NOTCH3: variants seen among roughly 807,000 people sequenced by gnomAD.
NOTCH3 encodes the protein notch receptor 3, also known as neurogenic locus notch homolog protein 3.
Under a neutral mutation model 213.3 loss-of-function variants are expected in NOTCH3, and 86 were observed. That is an observed-to-expected ratio of 0.40 (90% CI 0.34 to 0.48). NOTCH3 has a LOEUF of 0.48. NOTCH3 is among the 20% of genes least tolerant of loss of function. The pLI is 0.57. For missense variants in NOTCH3, 2,783 were observed against 3,272.6 expected (o/e 0.85, Z 3.65); for synonymous variants, 1,354 against 1,355.9 (o/e 1.00, Z 0.03).
intron 17 of NOTCH3, 55 bp from the exon 18 acceptor site, chr19:15,181,217 C>T (rs764864369): frequency 8.9e-5 from 133 of 1,498,258 alleles, no homozygotes; most frequent in Non-Finnish European, 1.2e-4. Context: ...ACAGGCCCTG[C>T]CCTCCTTCCT....
In NOTCH3 at chr19:15,177,929, C is replaced by T; in HGVS notation, c.3999G>A (p.Gly1333=). Residue 1333 remains glycine (G), a synonymous_variant, in exon 24 of 33, where the codon GGG becomes GGA. Coordinates refer to ENST00000263388, the MANE Select transcript of NOTCH3 (RefSeq NM_000435.3). ...CGGCCGCGCAGCTGGCGTTGCTGGC[C>T]CCCGGCGGCGACCCCGGGAAGCTGC... ...SCRSFPGSPP[G]ASNASCAAAP... The T allele has an allele frequency of 1.5e-6, 2 of 1,290,698 alleles. No homozygotes were observed. The highest frequency in any genetic ancestry group is 2.0e-6 in the Non-Finnish European group (2 of 1,022,432). The allele number at this position is 1,290,698 out of a possible 1,614,324, so 80.0% of individuals were successfully genotyped here. A position where few individuals can be genotyped will look rare whatever the true frequency, so the allele number is the denominator to read the frequency against.
intron 28 of NOTCH3, among the ~76,000 whole-genome samples, chr19:15,168,790 C>T (rs561876962): frequency 1.3e-5 from 2 of 152,184 alleles, no homozygotes; most frequent in South Asian, 2.1e-4. Flanking sequence ...GCCAAGATCA[C>T]GCCACTGCAC....
Position 15,192,133 on chromosome 19 carries a change from C to A in NOTCH3, c.506G>T (p.Arg169Leu). The A allele has an allele frequency of 1.2e-6, 2 of 1,612,938 alleles. No homozygotes were observed. Among genetic ancestry groups the A allele is most frequent in the Non-Finnish European group, 1.7e-6 (2 of 1,179,982 alleles). The change falls in exon 4 of 33, where the codon CGC becomes CTC. Residue 169 changes from arginine to leucine, a missense_variant. Transcript: ENST00000263388. ...TGTGTTGAGGCAGGTGCCACCATGG[C>A]GGCAGGGCTCACCCACCCGGCACTC... ...VDECRVGEPC[R>L]HGGTCLNTPG...
At chr19:15,166,840 G>A (rs1340918256) in intron 29 of NOTCH3, among the ~76,000 whole-genome samples, 2 of 152,166 alleles carry the variant, frequency 1.3e-5, no homozygotes, top group Non-Finnish European at 2.9e-5. Flanking sequence ...TCAAAGACAG[G>A]TATGTGAATC....
At position 15,185,502 on chromosome 19, in the gene NOTCH3, T is replaced by C. The variant is rs1328784046; in HGVS notation, c.2129A>G (p.Tyr710Cys). The C allele has an allele frequency of 6.2e-7, 1 of 1,611,464 alleles. No homozygotes were observed. Among genetic ancestry groups the C allele is most frequent in the East Asian group, 2.2e-5 (1 of 44,634 alleles). ...GGGCCCTCACCCGCCAGGTGCATCA[T>C]AGCAGATGCCGTGACTGCAGGGCTC... The part of the protein sequence containing the change: ...AHEPCSHGIC[Y>C]DAPGGFRCVC... Residue 710 changes from tyrosine to cysteine, a missense_variant, in exon 13 of 33, where the codon TAT becomes TGT. Around this residue, in one of 6 missense-constraint regions of NOTCH3, gnomAD observed 861 missense variants for 909.1 expected, o/e 0.95. Transcript: ENST00000263388. The surrounding 1 kb of genome is among the most constrained non-coding windows in gnomAD (Gnocchi z 4.2).
rs1488613655 is a variant in NOTCH3, at chr19:15,187,899, C to G, written c.1588G>C (p.Glu530Gln). 3.2e-6 allele frequency: 5 copies of G among 1,549,270 alleles called. No homozygotes were observed. Among genetic ancestry groups the G allele is most frequent in the Admixed American group, 3.9e-5 (2 of 50,970 alleles). Residue 530 changes from glutamate (E) to glutamine (Q), a missense_variant, in exon 10 of 33, where the codon GAG becomes CAG. Physicochemically the swap from Glu to Gln is conservative, Grantham distance 29 (BLOSUM62 2). Coordinates refer to ENST00000263388, the MANE Select transcript of NOTCH3 (RefSeq NM_000435.3). ...AKCVDQPDGY[E>Q]CRCAEGFEGT... ...GCCTCACCCTCGGCACAGCGGCACT[C>G]GTAGCCATCGGGCTGGTCCACGCAT...
chr19:15,198,674 C>A (rs896860408), intron 1 of NOTCH3, among the ~76,000 whole-genome samples: 1 of 152,166 alleles, frequency 6.6e-6, no homozygotes, highest in African/African-American at 2.4e-5. Context: ...TCGCTTGAAC[C>A]CAGGAGCCAG....
rs541777668 is a variant in NOTCH3 at position 15,161,432 on chromosome 19, G to A, written c.6196C>T (p.Pro2066Ser). The A allele has an allele frequency of 4.6e-6, 7 of 1,538,334 alleles. No individual in the cohort carries two copies. The highest frequency in any genetic ancestry group is 5.3e-6 in the Non-Finnish European group (6 of 1,140,038). The change falls in exon 33 of 33, where the codon CCC becomes TCC. Residue 2066 changes from proline to serine, a missense_variant. Physicochemically the swap from Pro to Ser is moderately conservative, Grantham distance 74. Transcript: ENST00000263388. ...GGCCCCAGCCCCGCCTTCCCGGGGG[G>A]CCTCCTGCTCTTCTTGGACCCCGAC... ...AQSGSKKSRRPPGKAGLGPQG... is the reference protein window; with the variant it reads ...AQSGSKKSRRSPGKAGLGPQG...
Position 15,161,666 on chromosome 19 carries a change from C to T in NOTCH3, c.5962G>A (p.Ala1988Thr), listed in dbSNP as rs904983062. ...GCAAAGTGGTCCAACAGCAGCTTGG[C>T]AGCCTCATAGCTGCCCTCGCGGGCG... is the stretch of plus-strand genomic sequence containing the variant. ...LAAREGSYEA[A>T]KLLLDHFANR... Residue 1988 changes from alanine (A) to threonine (T), a missense_variant, in exon 33 of 33, where the codon GCC becomes ACC. Around this residue, in one of 6 missense-constraint regions of NOTCH3, gnomAD observed 636 missense variants for 801.8 expected, o/e 0.79. Coordinates refer to ENST00000263388, the MANE Select transcript of NOTCH3 (RefSeq NM_000435.3). The T allele has an allele frequency of 6.2e-7, 1 of 1,613,940 alleles. No homozygotes were observed. The highest frequency in any genetic ancestry group is 8.5e-7 in the Non-Finnish European group (1 of 1,179,920).
rs143684274 is a variant in NOTCH3, at chr19:15,178,875, C to T, written c.3785G>A (p.Arg1262His). The T allele has an allele frequency of 1.9e-6, 3 of 1,610,072 alleles. No individual in the cohort carries two copies. Among genetic ancestry groups the T allele is most frequent in the Non-Finnish European group, 2.5e-6 (3 of 1,178,318 alleles). The part of the protein sequence containing the change: ...SQPCQHGGQC[R>H]PSPGPGGGLT... ...CCCACCCCCAGGACCCGGGCTAGGA[C>T]GGCACTGGCCTCCATGCTGGCATGG... Residue 1262 changes from arginine (R) to histidine (H), a missense_variant, in exon 23 of 33, where the codon CGT becomes CAT. This residue lies in a region of NOTCH3 where 861 missense variants were observed against 909.1 expected (regional missense o/e 0.95). Coordinates refer to ENST00000263388, the MANE Select transcript of NOTCH3 (RefSeq NM_000435.3).
rs1332840784 is a variant in NOTCH3 at position 15,177,996 on chromosome 19, G to A, written c.3932C>T (p.Pro1311Leu). 15 of 1,455,630 alleles carry A rather than the reference G, an allele frequency of 1.0e-5. No homozygotes were observed. Among genetic ancestry groups the A allele is most frequent in the Non-Finnish European group, 1.3e-5 (14 of 1,107,102 alleles). 90.2% of individuals were successfully genotyped at this position (1,455,630 alleles called of 1,614,324 possible). Residue 1311 changes from proline (P) to leucine (L), a missense_variant, in exon 24 of 33, where the codon CCG (proline) becomes CTG (leucine). Physicochemically the swap from Pro to Leu is moderately conservative, Grantham distance 98. Around this residue, in one of 6 missense-constraint regions of NOTCH3, gnomAD observed 133 missense variants for 201.9 expected, o/e 0.66. Transcript: ENST00000263388. The stretch of plus-strand genomic sequence containing the variant: ...CAACCCTGGGGGGCAGGCGCAGCGC[G>A]GCCCGCGGGGCGTCTGCTGGCATGG... ...GVPCQQTPRGPRCACPPGLSG... is the reference protein window; with the variant it reads ...GVPCQQTPRGLRCACPPGLSG...
In NOTCH3 at chr19:15,187,272, C is replaced by A; in HGVS notation, c.1673G>T (p.Arg558Leu). 6.2e-7 allele frequency: 1 copy of A among 1,614,098 alleles called. No individual in the cohort carries two copies. The highest frequency in any genetic ancestry group is 8.5e-7 in the Non-Finnish European group (1 of 1,180,018). Reference sequence around the variant, plus strand: ...GAAGCTGGCGATGCCATCCACGCAGCGACCATGGTGGCATGGGTCAGGGGA... The same window carrying A: ...GAAGCTGGCGATGCCATCCACGCAGAGACCATGGTGGCATGGGTCAGGGGA... ...DCSPDPCHHG[R>L]CVDGIASFSC... Residue 558 changes from arginine (R) to leucine (L), a missense_variant, in exon 11 of 33, where the codon CGC (arginine) becomes CTC (leucine). By Grantham distance (102) the Arg-to-Leu change is moderately radical (BLOSUM62 -2). Around this residue, in one of 6 missense-constraint regions of NOTCH3, gnomAD observed 708 missense variants for 906.6 expected, o/e 0.78. Transcript: ENST00000263388.
intron 2 of NOTCH3, 126 bp from the exon 3 acceptor site, chr19:15,192,645 T>C (rs2046939481): frequency 1.3e-5 from 18 of 1,353,446 alleles, no homozygotes; most frequent in Non-Finnish European, 1.8e-5. Context: ...CTGGGAGCAG[T>C]GGCTCACGCC....
At chr19:15,184,803 C>G in intron 15 of NOTCH3, 103 bp downstream of exon 15, 1 of 708,404 alleles carries the variant, frequency 1.4e-6, no homozygotes, top group Non-Finnish European at 2.5e-6. Context: ...CTCTCAAAGG[C>G]AGGGCTGGGG....
intron 31 of NOTCH3, among the ~76,000 whole-genome samples, chr19:15,164,222 AGTTTTTTGTTTTTT>A (rs58488918): frequency 7.9e-5 from 12 of 150,956 alleles, no homozygotes; most frequent in African/African-American, 2.7e-4. Context: ...TCAATAAAGC[AGTTTTTTGTTTTTT>A]GTTTTTTGTT....
rs757662917 is a variant in NOTCH3 at position 15,184,410 on chromosome 19, G to A, written c.2451C>T (p.Pro817=). 2.9e-5 allele frequency: 47 copies of A among 1,613,744 alleles called. No homozygotes were observed. Among genetic ancestry groups the A allele is most frequent in the Admixed American group, 1.0e-4 (6 of 59,990 alleles). The change falls in exon 16 of 33, where the codon CCC becomes CCT. Residue 817 remains proline, a synonymous_variant. Coordinates refer to ENST00000263388, the MANE Select transcript of NOTCH3 (RefSeq NM_000435.3). ...CQQDVDECAG[P]APCGPHGICT... ...AGATACCATGAGGGCCACAGGGTGC[G>A]GGGCCAGCACACTCGTCCACATCCT...
rs2145422058 is a variant in NOTCH3, at chr19:15,180,809, C to A, written c.3014G>T (p.Ser1005Ile). ...PQCQTLVDWC[S>I]RQPCQNGGRC... ...ACCCCCGTTTTGACAAGGCTGGCGG[C>A]TGCACCAATCCACCAGCGTCTGGAG... Residue 1005 changes from serine to isoleucine, a missense_variant, in exon 19 of 33, where the codon AGC (serine) becomes ATC (isoleucine). Around this residue, in one of 6 missense-constraint regions of NOTCH3, gnomAD observed 861 missense variants for 909.1 expected, o/e 0.95. Transcript: ENST00000263388. 1 of 1,611,994 alleles carries A rather than the reference C, an allele frequency of 6.2e-7. No homozygotes were observed. Among genetic ancestry groups the A allele is most frequent in the Admixed American group, 1.7e-5 (1 of 59,748 alleles).
rs561975593 is a variant in NOTCH3, at chr19:15,172,502, C to T, written c.4736+1566G>A. On this transcript the variant is annotated intron_variant, in intron 25 of 32. Transcript: ENST00000263388. ...ACCACTCTCCTTCATCCCTCTACCC[C>T]TCCCCTTCCACCACCCACATCCCAA... Among the ~76,000 whole-genome samples the T allele has an allele frequency of 2.6e-4, 40 of 151,958 alleles. 1 individual carries two copies. The South Asian group carries it at 5.4e-3, about 21-fold the overall frequency.
At chr19:15,167,130 AC>A in intron 29 of NOTCH3, 118 bp downstream of exon 29, 1 of 1,085,306 alleles carries the variant, frequency 9.2e-7, no homozygotes. Flanking sequence ...CTGAATACAC[AC>A]ACCCTTCACA....
Sources: gnomAD v4.1 joint callset for allele counts (sites outside exome capture counted in the v4.1 genomes callset) on GRCh38, gnomAD v4.1.1 for gene constraint, gnomAD v4.1.1 regional missense constraint, Gnocchi (gnomAD v3.1) non-coding constraint, MANE v1.5 for transcripts, NCBI Gene and HGNC (gene_info 2026-07-23, HGNC 2026-07-21) for gene names.